Variants in CD99L2 observed in about 807,000 individuals in gnomAD.
CD99L2 encodes CD99 antigen-like protein 2.
A neutral mutation model predicts 27.3 loss-of-function variants in CD99L2; 24 were observed. The observed-to-expected ratio is 0.88, with a 90% CI of 0.64 to 1.24. The LOEUF (loss-of-function observed/expected upper bound fraction) is 1.24. Among genes scored for constraint, CD99L2 ranks in the 50% most tolerant of loss-of-function variants. The pLI is 0.00. For synonymous variants in CD99L2, 97 were observed against 87.9 expected (o/e 1.10, Z -0.58); for missense variants, 255 against 221.6 (o/e 1.15, Z -0.96).
At chrX:150,888,338 A>G (rs1557422684) in intron 1 of CD99L2, among the ~76,000 whole-genome samples, 2 of 112,221 alleles carry the variant, frequency 1.8e-5, no homozygotes, top group Admixed American at 1.9e-4. Context: ...ACAATAGAAT[A>G]CTATTCAACC....
At chrX:150,872,541 T>TA (rs2047173442) in intron 1 of CD99L2, among the ~76,000 whole-genome samples, 1 of 80,038 alleles carries the variant, frequency 1.2e-5, no homozygotes, top group Admixed American at 1.3e-4. Flanking sequence ...CCTCAATATG[T>TA]TAAAAAAAAA....
At chrX:150,795,056 C>T (rs1322005212) in intron 6 of CD99L2, 150 bp downstream of exon 6, 3 of 538,545 alleles carry the variant, frequency 5.6e-6, no homozygotes, top group Admixed American at 6.1e-5. Flanking sequence ...TCAATGATTT[C>T]AGGAGTCCCC....
At chrX:150,791,200 G>C (rs1240438197) in intron 7 of CD99L2, among the ~76,000 whole-genome samples, 1 of 112,084 alleles carries the variant, frequency 8.9e-6, no homozygotes, top group Non-Finnish European at 1.9e-5. Flanking sequence ...GTGGTAATTT[G>C]TTATAGCAGC....
chrX:150,792,984 G>T (rs1406412538), intron 7 of CD99L2, among the ~76,000 whole-genome samples: 1 of 111,933 alleles, frequency 8.9e-6, no homozygotes, highest in African/African-American at 3.3e-5. Context: ...CGATGGAACA[G>T]TTCTGCCTGC....
intron 7 of CD99L2, among the ~76,000 whole-genome samples, chrX:150,780,072 G>C (rs2045484607): frequency 9.0e-6 from 1 of 111,557 alleles, no homozygotes; most frequent in African/African-American, 3.3e-5. Flanking sequence ...ATAATAAAAA[G>C]GCAAATCATT....
intron 1 of CD99L2, among the ~76,000 whole-genome samples, chrX:150,855,279 G>C (rs972911543): frequency 8.0e-5 from 9 of 112,026 alleles, no homozygotes; most frequent in Non-Finnish European, 1.7e-4. Context: ...AGTGTGGCTG[G>C]TTGTATTAGT....
At chrX:150,857,225 C>T (rs1050797815) in intron 1 of CD99L2, among the ~76,000 whole-genome samples, 2 of 111,216 alleles carry the variant, frequency 1.8e-5, no homozygotes, top group Non-Finnish European at 3.8e-5. Context: ...ACTTCCCATG[C>T]CTAGCAGGGA....
chrX:150,848,120 C>CCG (rs1557421510), intron 1 of CD99L2, among the ~76,000 whole-genome samples: 1 of 107,701 alleles, frequency 9.3e-6, no homozygotes, highest in African/African-American at 3.4e-5. Context: ...GGCCCCCCCC[C>CCG]CCTTGTACTA....
intron 4 of CD99L2, among the ~76,000 whole-genome samples, chrX:150,812,480 A>G (rs1557420378): frequency 8.9e-6 from 1 of 112,369 alleles, no homozygotes; most frequent in African/African-American, 3.2e-5. Flanking sequence ...AGCCAGAGAA[A>G]TGCAAACTAA....
chrX:150,793,933 A>C (rs896853793), intron 6 of CD99L2, among the ~76,000 whole-genome samples, 177 bp from the exon 7 acceptor site: 13 of 111,357 alleles, frequency 1.2e-4, no homozygotes, highest in African/African-American at 4.2e-4. Context: ...GTCCCGCATA[A>C]TGTCCCACCA....
chrX:150,824,317 G>C (rs1381191511), intron 2 of CD99L2, among the ~76,000 whole-genome samples: 2 of 95,060 alleles, frequency 2.1e-5, no homozygotes, highest in African/African-American at 7.9e-5. Context: ...GGAGGAGGAG[G>C]AGGAGGAGGA....
At position 150,778,849 on chromosome X, in the gene CD99L2, CA is replaced by C. The variant is rs562626533; in HGVS notation, c.497-1368del. 3.5e-3 allele frequency among the ~76,000 whole-genome samples: 350 copies of C among 98,710 alleles called. 1 individual carries two copies. The highest frequency in any genetic ancestry group is 0.02 in the South Asian group (44 of 2,193). 85.7% of individuals were successfully genotyped at this position (98,710 alleles called of 115,157 possible). The stretch of plus-strand genomic sequence containing the variant: ...AAGAGCACCAGCATTAAAAACAAAA[CA>C]AAAAAAAAACAAAAAAATACACACA... On this transcript the variant is annotated intron_variant, in intron 7 of 10. Transcript: ENST00000370377.
At chrX:150,875,231 G>A (rs1603312339) in intron 1 of CD99L2, among the ~76,000 whole-genome samples, 1 of 112,030 alleles carries the variant, frequency 8.9e-6, no homozygotes, top group East Asian at 2.8e-4. Context: ...ATAATACAAA[G>A]AGATCCCTTG....
intron 2 of CD99L2, among the ~76,000 whole-genome samples, chrX:150,824,337 G>GA (rs1557420799): frequency 1.1e-5 from 1 of 94,387 alleles, no homozygotes; most frequent in East Asian, 3.3e-4. Context: ...AGAAGAAGAA[G>GA]AAGAAAGAAG....
chrX:150,824,422 AAAG>A (rs1375035604), intron 2 of CD99L2, among the ~76,000 whole-genome samples: 1 of 101,659 alleles, frequency 9.8e-6, no homozygotes, highest in Admixed American at 1.1e-4. Flanking sequence ...AAGAAGAAGA[AAAG>A]AGAAGAAGAA....
At chrX:150,769,745 G>A (rs1203009485) in intron 10 of CD99L2, among the ~76,000 whole-genome samples, 4 of 106,979 alleles carry the variant, frequency 3.7e-5, no homozygotes, top group African/African-American at 9.8e-5. Flanking sequence ...TTGGCATCCC[G>A]TGGGCACAGG....
chrX:150,887,376 G>T (rs193176833), intron 1 of CD99L2, among the ~76,000 whole-genome samples: 114 of 109,606 alleles, frequency 1.0e-3, no homozygotes, highest in African/African-American at 3.6e-3. Context: ...AGCCCGGGAG[G>T]CGGAGGTTGC....
At chrX:150,770,415 G>A (rs782355220) in intron 9 of CD99L2, 46 bp from the exon 10 acceptor site, 3 of 1,131,678 alleles carry the variant, frequency 2.7e-6, no homozygotes, top group Admixed American at 4.4e-5. Flanking sequence ...CAGGACCTAA[G>A]GGTCCCCAAT....
chrX:150,769,864 G>C lies in CD99L2; in HGVS notation c.721+440C>G, dbSNP rs782246879. Among the ~76,000 whole-genome samples, 7 of 113,240 alleles carry C rather than the reference G, an allele frequency of 6.2e-5. No homozygotes were observed. In the East Asian group the frequency reaches 1.9e-3, roughly 31 times the overall value. On this transcript the variant is annotated intron_variant, in intron 10 of 10. Coordinates refer to ENST00000370377, the MANE Select transcript of CD99L2 (RefSeq NM_031462.4). ...AGAAAGTGCTTGATGACCACAGAAGGGGGAGGGAGGGGCACAGGTGTTGAC... is the reference window on the plus strand; with the variant it reads ...AGAAAGTGCTTGATGACCACAGAAGCGGGAGGGAGGGGCACAGGTGTTGAC...
Sources: gnomAD v4.1 joint callset for allele counts (sites outside exome capture counted in the v4.1 genomes callset) on GRCh38, gnomAD v4.1.1 for gene constraint, MANE v1.5 for transcripts, NCBI Gene and HGNC (gene_info 2026-07-23, HGNC 2026-07-21) for gene names.